MACROD2: variants seen among roughly 807,000 people sequenced by gnomAD.
MACROD2 encodes ADP-ribose glycohydrolase MACROD2.
In MACROD2, 36 loss-of-function variants were observed where a neutral mutation model predicts 70.4. The observed-to-expected ratio is 0.51, with a 90% CI of 0.39 to 0.68. The LOEUF (loss-of-function observed/expected upper bound fraction) is 0.68, where lower values mean the gene tolerates loss of function less well. MACROD2 is among the 30% of genes least tolerant of loss of function. The probability of loss-of-function intolerance (pLI) is 0.00; values close to 1 mark genes in which losing one functional copy is unlikely to be tolerated. For synonymous variants in MACROD2, 172 were observed against 178.8 expected (o/e 0.96, Z 0.30); for missense variants, 496 against 538.4 (o/e 0.92, Z 0.78).
At chr20:15,214,302 TAAG>T (rs1212792565) in intron 5 of MACROD2, among the ~76,000 whole-genome samples, 1 of 152,108 alleles carries the variant, frequency 6.6e-6, no homozygotes. Context: ...TCTCAGAACC[TAAG>T]AACTAAGTGA....
Position 14,619,580 on chromosome 20 carries a change from GA to G in MACROD2, c.302-65256del, listed in dbSNP as rs368353334. On this transcript the variant is annotated intron_variant, in intron 4 of 17. Coordinates refer to ENST00000684519, the MANE Select transcript of MACROD2 (RefSeq NM_001351661.2). ...GGGAGGGAGGGGAAGGGAGGGAAAA[GA>G]AAAAAAGGAGTATAGAGATAACTAG... Among the ~76,000 whole-genome samples, 891 of 151,222 alleles carry G rather than the reference GA, an allele frequency of 5.9e-3. 4 individuals carry two copies. Among genetic ancestry groups the G allele is most frequent in the Admixed American group, 9.5e-3 (144 of 15,128 alleles).
At chr20:15,125,834 A>G (rs1280518695) in intron 5 of MACROD2, among the ~76,000 whole-genome samples, 2 of 151,776 alleles carry the variant, frequency 1.3e-5, no homozygotes, top group Admixed American at 6.6e-5. Context: ...AGACCCATTC[A>G]TATTCATTCC....
intron 3 of MACROD2, among the ~76,000 whole-genome samples, chr20:14,179,971 C>A (rs930017644): frequency 5.3e-5 from 8 of 152,026 alleles, no homozygotes; most frequent in Non-Finnish European, 1.2e-4. Flanking sequence ...GTGTATAATT[C>A]AGTGAAATTA....
In MACROD2 at chr20:15,156,711, G is replaced by C. The variant is rs114655193; in HGVS notation, c.419-73229G>C. Among the ~76,000 whole-genome samples, 712 of 152,254 alleles carry C rather than the reference G, an allele frequency of 4.7e-3. 11 individuals carry two copies. The highest frequency in any genetic ancestry group is 0.016 in the African/African-American group (672 of 41,556). ...AGAGGGGAATAGAGTGCCTGGGGGA[G>C]AGAATGGGAAGTCAAGGGTCTTCAG... On this transcript the variant is annotated intron_variant, in intron 5 of 17. Transcript: ENST00000684519.
Position 14,765,610 on chromosome 20 carries a change from G to A in MACROD2, c.418+80651G>A, listed in dbSNP as rs1159400650. Among the ~76,000 whole-genome samples, 3 of 152,050 alleles carry A rather than the reference G, an allele frequency of 2.0e-5. No individual in the cohort carries two copies. The East Asian group carries it at 5.8e-4, about 29-fold the overall frequency. ...CTCTTTTCTCTTCCAGAGGAATCAG[G>A]GGGTAAGATATTAGGGTTGAAAGGG... On this transcript the variant is annotated intron_variant, in intron 5 of 17. Transcript: ENST00000684519.
intron 6 of MACROD2, among the ~76,000 whole-genome samples, chr20:15,410,883 G>A (rs984204065): frequency 3.3e-5 from 5 of 152,038 alleles, no homozygotes; most frequent in South Asian, 4.2e-4. Context: ...TCTGGACCTC[G>A]GCTTGGCTCC....
intron 5 of MACROD2, among the ~76,000 whole-genome samples, chr20:14,979,750 G>A (rs2074780153): frequency 6.6e-6 from 1 of 152,158 alleles, no homozygotes; most frequent in Non-Finnish European, 1.5e-5. Flanking sequence ...TCTATCCTTT[G>A]TTGTCACGTT....
chr20:14,329,848 C>G (rs989481015), intron 3 of MACROD2, among the ~76,000 whole-genome samples: 4 of 152,020 alleles, frequency 2.6e-5, no homozygotes, highest in Admixed American at 2.0e-4. Context: ...ATTCCTCCTG[C>G]AGGTCTCAAT....
intron 8 of MACROD2, among the ~76,000 whole-genome samples, chr20:15,840,289 C>A (rs375039493): frequency 5.9e-5 from 9 of 152,112 alleles, no homozygotes; most frequent in East Asian, 3.8e-4. Flanking sequence ...ATTTTATTTC[C>A]CACCACATCT....
chr20:14,380,938 T>C (rs759986052), intron 3 of MACROD2, among the ~76,000 whole-genome samples: 6 of 152,194 alleles, frequency 3.9e-5, no homozygotes, highest in Non-Finnish European at 8.8e-5. Flanking sequence ...GTATTCAGTA[T>C]TTATTTGTCC....
intron 5 of MACROD2, chr20:14,894,577 G>T (rs914612822): frequency 6.6e-6 from 1 of 152,072 alleles, no homozygotes; most frequent in African/African-American, 2.4e-5. Flanking sequence ...GCCAAATACA[G>T]TCAAATTCAT....
chr20:16,024,374 GA>G (rs1278174697), intron 15 of MACROD2, among the ~76,000 whole-genome samples: 1 of 152,068 alleles, frequency 6.6e-6, no homozygotes, highest in Non-Finnish European at 1.5e-5. Context: ...TGAAGATGTA[GA>G]AAAAATGTCT....
At chr20:15,287,783 C>CT (rs1320737097) in intron 6 of MACROD2, among the ~76,000 whole-genome samples, 3 of 152,222 alleles carry the variant, frequency 2.0e-5, no homozygotes, top group Non-Finnish European at 4.4e-5. Context: ...TATTAATTCT[C>CT]TTATTAAATG....
At chr20:14,339,082 A>C (rs982170260) in intron 3 of MACROD2, among the ~76,000 whole-genome samples, 7 of 152,166 alleles carry the variant, frequency 4.6e-5, no homozygotes, top group African/African-American at 1.7e-4. Context: ...TCCCAGGACT[A>C]TTTGATTGTG....
At chr20:15,659,789 A>T (rs1164660190) in intron 8 of MACROD2, among the ~76,000 whole-genome samples, 1 of 152,104 alleles carries the variant, frequency 6.6e-6, no homozygotes, top group East Asian at 1.9e-4. Flanking sequence ...GCCTCAGATG[A>T]GGGCTTTTGT....
At chr20:14,191,611 A>G (rs1033231647) in intron 3 of MACROD2, among the ~76,000 whole-genome samples, 1 of 152,230 alleles carries the variant, frequency 6.6e-6, no homozygotes, top group Non-Finnish European at 1.5e-5. Flanking sequence ...AGAATGCAGA[A>G]AGTGGAGAAA....
At chr20:16,008,344 C>T (rs928858082) in intron 15 of MACROD2, among the ~76,000 whole-genome samples, 1 of 152,216 alleles carries the variant, frequency 6.6e-6, no homozygotes, top group Non-Finnish European at 1.5e-5. Context: ...CAACTTCTCT[C>T]TCAAACCGTG....
intron 8 of MACROD2, among the ~76,000 whole-genome samples, chr20:15,802,952 C>A (rs1035889060): frequency 2.0e-5 from 3 of 151,976 alleles, no homozygotes; most frequent in African/African-American, 7.3e-5. Flanking sequence ...CTACAGTCTA[C>A]CAAGATTAAA....
At chr20:14,857,193 C>G (rs1484608389) in intron 5 of MACROD2, among the ~76,000 whole-genome samples, 1 of 152,154 alleles carries the variant, frequency 6.6e-6, no homozygotes, top group Non-Finnish European at 1.5e-5. Context: ...TCTCACTGTC[C>G]TCCACACAGA....
Sources: allele counts gnomAD v4.1 joint callset (sites outside exome capture counted in the v4.1 genomes callset), GRCh38; gene constraint gnomAD v4.1.1; transcripts MANE v1.5; gene names NCBI Gene and HGNC (gene_info 2026-07-23, HGNC 2026-07-21).